The following GALNT8 variants were observed in gnomAD, a reference collection of about 807,000 sequenced individuals.
GALNT8 encodes the protein probable polypeptide N-acetylgalactosaminyltransferase 8.
Under a neutral mutation model 62.7 loss-of-function variants are expected in GALNT8, and 66 were observed. That is an observed-to-expected ratio of 1.05 (90% CI 0.86 to 1.29). GALNT8 has a LOEUF of 1.29. GALNT8 is among the 50% of genes most tolerant of loss of function. The pLI, the probability that GALNT8 is intolerant of heterozygous loss-of-function variation, is 0.00. For missense variants in GALNT8, 771 were observed against 791.8 expected, an observed-to-expected ratio of 0.97 and a Z score of 0.32; for synonymous variants, 288 against 294.3, an observed-to-expected ratio of 0.98 and a Z score of 0.22.
intron 7 of GALNT8, among the ~76,000 whole-genome samples, chr12:4,761,776 C>T (rs1252016122): frequency 2.0e-5 from 3 of 152,128 alleles, no homozygotes; most frequent in South Asian, 2.1e-4. Context: ...TGCTTAAGGT[C>T]GTGCTGTGCT....
chr12:4,765,072 C>G (rs16932184), intron 9 of GALNT8, among the ~76,000 whole-genome samples: 5,069 of 152,184 alleles, frequency 0.033, 270 homozygotes, highest in African/African-American at 0.12. Flanking sequence ...ATAGCTGAGG[C>G]CTGCAGTGAC....
intron 10 of GALNT8, among the ~76,000 whole-genome samples, chr12:4,768,685 C>A (rs1032623530): frequency 1.3e-5 from 2 of 152,136 alleles, no homozygotes; most frequent in African/African-American, 4.8e-5. Context: ...GGGAGGTGAT[C>A]GTGTAATTTC....
Position 4,765,443 on chromosome 12 carries a change from G to A in GALNT8, c.1658G>A (p.Ser553Asn), listed in dbSNP as rs757863710. The A allele has an allele frequency of 6.8e-6, 11 of 1,610,616 alleles. No homozygotes were observed. Among genetic ancestry groups the A allele is most frequent in the African/African-American group, 2.7e-5 (2 of 74,038 alleles). The part of the protein sequence containing the change: ...VGQLIAEASA[S>N]DRCLTDPGKA... ...CAACTGATTGCAGAGGCCAGTGCTAGTGATCGCTGCCTGACAGACCCTGGC... is the reference window on the plus strand; with the variant it reads ...CAACTGATTGCAGAGGCCAGTGCTAATGATCGCTGCCTGACAGACCCTGGC... Residue 553 changes from serine (S) to asparagine (N), a missense_variant, in exon 10 of 11, where the codon AGT becomes AAT. By Grantham distance (46) the Ser-to-Asn change is conservative. Coordinates refer to ENST00000252318, the MANE Select transcript of GALNT8 (RefSeq NM_017417.2).
chr12:4,766,547 A>G (rs1227545943), intron 10 of GALNT8, among the ~76,000 whole-genome samples: 2 of 152,190 alleles, frequency 1.3e-5, no homozygotes, highest in African/African-American at 4.8e-5. Context: ...CTCTGCCTTT[A>G]ACTTCAATAT....
At chr12:4,772,331 C>A in intron 10 of GALNT8, 114 bp from the exon 11 acceptor site, 1 of 866,950 alleles carries the variant, frequency 1.2e-6, no homozygotes. Flanking sequence ...ACTTGTGGAG[C>A]ACTGAGGGGT....
chr12:4,758,633 TGTGTGAGAGAGAGAGA>T lies in GALNT8; in HGVS notation c.1174-2323_1174-2308del, dbSNP rs1352354871. Among the ~76,000 whole-genome samples, 124 of 79,908 alleles carry T rather than the reference TGTGTGAGAGAGAGAGA, an allele frequency of 1.6e-3. 1 individual carries two copies. Among genetic ancestry groups the T allele is most frequent in the Non-Finnish European group, 2.1e-3 (69 of 32,392 alleles). The allele number at this position is 79,908 out of a possible 152,430, so 52.4% of individuals were successfully genotyped here. ...GTGTGTGTGTGTGTGTGTGTGTGTG[TGTGTGAGAGAGAGAGA>T]GAGAGAGAGAGAGAGAGAGAGAGAG... On this transcript the variant is annotated intron_variant, in intron 6 of 10. Transcript: ENST00000252318.
At chr12:4,755,544 A>G (rs575797867) in intron 6 of GALNT8, among the ~76,000 whole-genome samples, 1 of 152,316 alleles carries the variant, frequency 6.6e-6, no homozygotes, top group Admixed American at 6.5e-5. Flanking sequence ...ATGAAGTTAA[A>G]ATATGAGTAC....
chr12:4,763,041 A>T (rs575847178), intron 7 of GALNT8, among the ~76,000 whole-genome samples: 2 of 152,362 alleles, frequency 1.3e-5, no homozygotes, highest in Admixed American at 6.5e-5. Context: ...TGGTTGAAGT[A>T]TGGCTGCTGG....
chr12:4,737,162 G>GA (rs1946249275), intron 2 of GALNT8, among the ~76,000 whole-genome samples: 1 of 152,200 alleles, frequency 6.6e-6, no homozygotes, highest in African/African-American at 2.4e-5. Flanking sequence ...GTAAAAAGCT[G>GA]AAAAAATGGA....
chr12:4,771,419 A>G (rs573750491), intron 10 of GALNT8, among the ~76,000 whole-genome samples: 2 of 151,932 alleles, frequency 1.3e-5, no homozygotes, highest in East Asian at 1.9e-4. Flanking sequence ...GGGACAGGCA[A>G]ATTTTGGGGG....
At chr12:4,725,930 G>A (rs984398831) in intron 1 of GALNT8, among the ~76,000 whole-genome samples, 3 of 152,176 alleles carry the variant, frequency 2.0e-5, no homozygotes, top group African/African-American at 4.8e-5. Flanking sequence ...AAAGTTCCTC[G>A]TAAATCAAGC....
At chr12:4,767,794 A>G (rs1014174256) in intron 10 of GALNT8, among the ~76,000 whole-genome samples, 1 of 152,230 alleles carries the variant, frequency 6.6e-6, no homozygotes, top group Non-Finnish European at 1.5e-5. Flanking sequence ...GTTTTAAAAA[A>G]TTAATATTCA....
At position 4,720,826 on chromosome 12, in the gene GALNT8, A is replaced by G; in HGVS notation, c.149A>G (p.Asn50Ser). 1 of 1,612,488 alleles carries G rather than the reference A, an allele frequency of 6.2e-7. No homozygotes were observed. Among genetic ancestry groups the G allele is most frequent in the South Asian group, 1.1e-5 (1 of 91,072 alleles). ...GLHRELPLHL[N>S]KRYGAVIKRL... ...CACAGGGAGCTTCCTTTACATCTGA[A>G]TAAACGCTACGGGGCAGTGATAAAG... The change falls in exon 1 of 11, where the codon AAT becomes AGT. Residue 50 changes from asparagine (N) to serine (S), a missense_variant. Asn to Ser is a conservative substitution (Grantham distance 46). Transcript: ENST00000252318.
In GALNT8 at chr12:4,761,054, G is replaced by C. The variant is rs1033563546; in HGVS notation, c.1270G>C (p.Ala424Pro). ...HKPYALDLTA[A>P]LKRNALRVAE... ...GCCCTACGCCTTGGATCTCACCGCT[G>C]CCTTGAAGCGCAATGCTCTGCGAGT... Residue 424 changes from alanine to proline, a missense_variant, in exon 7 of 11, where the codon GCC (alanine) becomes CCC (proline). By Grantham distance (27) the Ala-to-Pro change is conservative (BLOSUM62 -1). Transcript: ENST00000252318. The C allele has an allele frequency of 1.9e-6, 3 of 1,614,048 alleles. No individual in the cohort carries two copies. The Admixed American group carries it at 5.0e-5, about 27-fold the overall frequency.
At chr12:4,721,866 A>G (rs1356451505) in intron 1 of GALNT8, among the ~76,000 whole-genome samples, 1 of 152,212 alleles carries the variant, frequency 6.6e-6, no homozygotes, top group Non-Finnish European at 1.5e-5. Flanking sequence ...AACCTTGGAC[A>G]ATACCTGGCT....
chr12:4,723,494 C>G (rs1186008506), intron 1 of GALNT8, among the ~76,000 whole-genome samples: 2 of 152,212 alleles, frequency 1.3e-5, no homozygotes, highest in Non-Finnish European at 2.9e-5. Flanking sequence ...ACTGGCTCAG[C>G]CTCCTCAAGC....
intron 3 of GALNT8, among the ~76,000 whole-genome samples, chr12:4,739,918 CGG>C (rs1946264178): frequency 6.6e-6 from 1 of 152,102 alleles, no homozygotes; most frequent in South Asian, 2.1e-4. Flanking sequence ...CCGCCCGCCT[CGG>C]CCTCTGAAAG....
At chr12:4,745,311 C>T (rs770790262) in intron 4 of GALNT8, 118 bp from the exon 5 acceptor site, 17 of 696,294 alleles carry the variant, frequency 2.4e-5, no homozygotes, top group Non-Finnish European at 3.6e-5. Context: ...CAACCCAGTA[C>T]AGCCTAAATG....
At chr12:4,763,903 C>T in intron 8 of GALNT8, 49 bp from the exon 9 acceptor site, 1 of 959,622 alleles carries the variant, frequency 1.0e-6, no homozygotes, top group Non-Finnish European at 1.7e-6. Flanking sequence ...GATGGCGCCT[C>T]ATTCTCTGTC....
Sources: gnomAD v4.1 joint callset for allele counts (sites outside exome capture counted in the v4.1 genomes callset) on GRCh38, gnomAD v4.1.1 for gene constraint, MANE v1.5 for transcripts, NCBI Gene and HGNC (gene_info 2026-07-23, HGNC 2026-07-21) for gene names.